The following KIF13A variants were observed in gnomAD, a reference collection of about 807,000 sequenced individuals.
The protein encoded by KIF13A is kinesin family member 13A.
A neutral mutation model predicts 212.2 loss-of-function variants in KIF13A; 79 were observed. The observed-to-expected ratio is 0.37, with a 90% CI of 0.31 to 0.45. KIF13A has a LOEUF of 0.45. KIF13A is among the 20% of genes least tolerant of loss of function. The pLI, the probability that KIF13A is intolerant of heterozygous loss-of-function variation, is 1.00. For missense variants in KIF13A, 1,901 were observed against 2,209.0 expected (o/e 0.86, Z 2.79); for synonymous variants, 789 against 808.6 (o/e 0.98, Z 0.41).
chr6:17,781,338 A>G (rs1170367491), intron 29 of KIF13A, 37 bp from the exon 30 acceptor site: 1 of 1,519,228 alleles, frequency 6.6e-7, no homozygotes, highest in Admixed American at 2.4e-5. Flanking sequence ...ACAGTAGGGG[A>G]AAGTCAGTTT....
In KIF13A at chr6:17,872,897, A is replaced by G. The variant is rs1418992082; in HGVS notation, c.220+480T>C. Among the ~76,000 whole-genome samples, 1 of 152,280 alleles carries G rather than the reference A, an allele frequency of 6.6e-6. No individual in the cohort carries two copies. The highest frequency in any genetic ancestry group is 2.1e-4 in the South Asian group (1 of 4,822). On this transcript the variant is annotated intron_variant, in intron 4 of 38. Transcript: ENST00000259711. This position sits in a 1 kb window ranked among gnomAD's most constrained non-coding sequence, Gnocchi z 4.7. The stretch of plus-strand genomic sequence containing the variant: ...GTGATCCGCCCACCTCGGCCTCCCA[A>G]AGTGCTGGGATTACAGATGTGAGCC...
Position 17,794,432 on chromosome 6 carries a change from G to C in KIF13A, c.3076-37C>G. On this transcript the variant is annotated intron_variant, in intron 24 of 38. Coordinates refer to ENST00000259711, the MANE Select transcript of KIF13A (RefSeq NM_022113.6). This position sits in a 1 kb window ranked among gnomAD's most constrained non-coding sequence, Gnocchi z 4.1. ...GGGGAGGAGTATGGGTGCCAGGAAT[G>C]ATAATGAAAAGGAACGGGATAAAGA... is the stretch of plus-strand genomic sequence containing the variant. The C allele has an allele frequency of 6.3e-7, 1 of 1,593,046 alleles. No individual in the cohort carries two copies. Among genetic ancestry groups the C allele is most frequent in the South Asian group, 1.1e-5 (1 of 89,790 alleles).
At chr6:17,925,742 G>C (rs1160410370) in intron 2 of KIF13A, among the ~76,000 whole-genome samples, 2 of 152,188 alleles carry the variant, frequency 1.3e-5, no homozygotes, top group African/African-American at 4.8e-5. Context: ...TGTCTAATTA[G>C]CAGCAGTTAT....
In KIF13A at chr6:17,804,514, A is replaced by G; in HGVS notation, c.2305-4T>C. On this transcript the variant is annotated splice_polypyrimidine_tract_variant and splice_region_variant and intron_variant, in intron 19 of 38. Coordinates refer to ENST00000259711, the MANE Select transcript of KIF13A (RefSeq NM_022113.6). ...GTTTTCCGTAGAGTCTCTTTGCCTG[A>G]GAAGTAGGAGGGGCCAGTGAGTGGA... 1 of 1,588,072 alleles carries G rather than the reference A, an allele frequency of 6.3e-7. No homozygotes were observed. The highest frequency in any genetic ancestry group is 8.6e-7 in the Non-Finnish European group (1 of 1,165,668).
chr6:17,982,440 G>A lies in KIF13A; in HGVS notation c.146+4614C>T. 1.0e-6 allele frequency: 1 copy of A among 984,700 alleles called. No individual in the cohort carries two copies. 61.0% of individuals were successfully genotyped at this position (984,700 alleles called of 1,614,324 possible). A position where few individuals can be genotyped will look rare whatever the true frequency, so the allele number is the denominator to read the frequency against. On this transcript the variant is annotated intron_variant, in intron 2 of 38. Coordinates refer to ENST00000259711, the MANE Select transcript of KIF13A (RefSeq NM_022113.6). This position sits in a 1 kb window ranked among gnomAD's most constrained non-coding sequence, Gnocchi z 5.1. ...TTTAGATTTCAGATGTTCAGACAGG[G>A]ATACCGCTGGTGAATAAACTAAAAA...
rs1301976691 is a variant in KIF13A, at chr6:17,967,827, A to C, written c.146+19227T>G. Among the ~76,000 whole-genome samples, 1 of 152,248 alleles carries C rather than the reference A, an allele frequency of 6.6e-6. No homozygotes were observed. The highest frequency in any genetic ancestry group is 1.5e-5 in the Non-Finnish European group (1 of 68,046). Reference sequence around the variant, plus strand: ...GACAATCACTGTGAGATGCATCACAAGTAACTTGTTAATAAGGTGCTCATT... The same window carrying C: ...GACAATCACTGTGAGATGCATCACACGTAACTTGTTAATAAGGTGCTCATT... On this transcript the variant is annotated intron_variant, in intron 2 of 38. Transcript: ENST00000259711. This position sits in a 1 kb window ranked among gnomAD's most constrained non-coding sequence, Gnocchi z 4.1.
At chr6:17,761,990 T>C (rs894405973), downstream of KIF13A, among the ~76,000 whole-genome samples, 11 of 152,144 alleles carry the variant, frequency 7.2e-5, no homozygotes, top group Non-Finnish European at 4.4e-5. Context: ...TTATTTCCCC[T>C]GCTGCACACT....
At chr6:17,869,830 C>T (rs926126496) in intron 4 of KIF13A, among the ~76,000 whole-genome samples, 1 of 152,168 alleles carries the variant, frequency 6.6e-6, no homozygotes, top group African/African-American at 2.4e-5. Flanking sequence ...CTCCCTGCTA[C>T]CCCCCAGTTT....
intron 2 of KIF13A, among the ~76,000 whole-genome samples, chr6:17,928,835 A>G (rs1775715797): frequency 6.6e-6 from 1 of 152,186 alleles, no homozygotes; most frequent in South Asian, 2.1e-4. Flanking sequence ...CTTCAACTTC[A>G]GAATACCTTT....
rs1172170180 is a variant in KIF13A at position 17,871,074 on chromosome 6, C to T, written c.220+2303G>A. Among the ~76,000 whole-genome samples the T allele has an allele frequency of 1.3e-5, 2 of 152,238 alleles. No homozygotes were observed. The highest frequency in any genetic ancestry group is 2.9e-5 in the Non-Finnish European group (2 of 68,038). ...CAAAATCCATGTGCTCTCCTTGACA[C>T]ATGTCACTTCCTCTTGTCTGGATGC... On this transcript the variant is annotated intron_variant, in intron 4 of 38. Transcript: ENST00000259711. The surrounding 1 kb of genome is among the most constrained non-coding windows in gnomAD (Gnocchi z 4.4).
rs756412476 is a variant in KIF13A at position 17,772,220 on chromosome 6, C to T, written c.4325-161G>A. Among the ~76,000 whole-genome samples the T allele has an allele frequency of 8.6e-5, 13 of 151,916 alleles. No homozygotes were observed. Among genetic ancestry groups the T allele is most frequent in the Non-Finnish European group, 1.3e-4 (9 of 68,004 alleles). ...AAAACAGATGTATGCCCACCCTGTGCAACATAGGGACACCAGTCTGTGAAA... is the reference window on the plus strand; with the variant it reads ...AAAACAGATGTATGCCCACCCTGTGTAACATAGGGACACCAGTCTGTGAAA... On this transcript the variant is annotated intron_variant, in intron 36 of 38. Transcript: ENST00000259711. The surrounding 1 kb of genome is among the most constrained non-coding windows in gnomAD (Gnocchi z 4.8).
Position 17,785,660 on chromosome 6 carries a change from A to C in KIF13A, c.3362-19T>G. 6.3e-7 allele frequency: 1 copy of C among 1,594,978 alleles called. No individual in the cohort carries two copies. Among genetic ancestry groups the C allele is most frequent in the Non-Finnish European group, 8.5e-7 (1 of 1,170,710 alleles). ...GTTTTCTCTGCAGAAAAAAATGAGG[A>C]GATCAATGCCAACAAGAGAGAAAGT... On this transcript the variant is annotated intron_variant, in intron 27 of 38. Coordinates refer to ENST00000259711, the MANE Select transcript of KIF13A (RefSeq NM_022113.6). This position sits in a 1 kb window ranked among gnomAD's most constrained non-coding sequence, Gnocchi z 5.8.
chr6:17,793,687 A>T lies in KIF13A; in HGVS notation c.3222+562T>A, dbSNP rs1275262444. Among the ~76,000 whole-genome samples, 73 of 150,928 alleles carry T rather than the reference A, an allele frequency of 4.8e-4. 1 individual carries two copies. The highest frequency in any genetic ancestry group is 1.7e-3 in the African/African-American group (67 of 40,404). ...CTACACTTTGGGAGGCTGAGGCAGG[A>T]GGATCACTTGAGTCCAGGAATTTGA... On this transcript the variant is annotated intron_variant, in intron 25 of 38. Transcript: ENST00000259711.
chr6:17,855,939 G>A lies in KIF13A; in HGVS notation c.313+91C>T. 1.1e-6 allele frequency: 1 copy of A among 880,688 alleles called. No homozygotes were observed. Among genetic ancestry groups the A allele is most frequent in the Non-Finnish European group, 1.8e-6 (1 of 549,824 alleles). 54.6% of individuals were successfully genotyped at this position (880,688 alleles called of 1,614,324 possible). ...TTGCCCAGGCTGGTCTCAAACTCCT[G>A]GGCTCAGGAGATCCTCCCACCCCAG... On this transcript the variant is annotated intron_variant, in intron 5 of 38. Transcript: ENST00000259711. The surrounding 1 kb of genome is among the most constrained non-coding windows in gnomAD (Gnocchi z 4.1).
rs1209753964 is a variant in KIF13A at position 17,764,241 on chromosome 6, T to G, written c.5287A>C (p.Ser1763Arg). The G allele has an allele frequency of 9.3e-6, 15 of 1,613,856 alleles. No individual in the cohort carries two copies. The highest frequency in any genetic ancestry group is 2.5e-6 in the Non-Finnish European group (3 of 1,179,894). The change falls in exon 39 of 39, where the codon AGT becomes CGT. Residue 1763 changes from serine (S) to arginine (R), a missense_variant. Ser to Arg is a moderately radical substitution (Grantham distance 110). Transcript: ENST00000259711. This position sits in a 1 kb window ranked among gnomAD's most constrained non-coding sequence, Gnocchi z 5.1. ...SSAGELSSRR[S>R]LPNKTGGKTV... ...TTGCCGCCTGTTTTATTTGGTAGAC[T>G]CCTCCTACTGGAAAGCTCTCCAGCA...
Position 17,794,710 on chromosome 6 carries a change from G to A in KIF13A, c.2943-6C>T, listed in dbSNP as rs2150324345. ...TTCGCGTTACTTCATTCCACCTGCAGAAACACATTCCAACAAGCAAGAGCG... is the reference window on the plus strand; with the variant it reads ...TTCGCGTTACTTCATTCCACCTGCAAAAACACATTCCAACAAGCAAGAGCG... On this transcript the variant is annotated splice_polypyrimidine_tract_variant and splice_region_variant and intron_variant, in intron 23 of 38. Coordinates refer to ENST00000259711, the MANE Select transcript of KIF13A (RefSeq NM_022113.6). The surrounding 1 kb of genome is among the most constrained non-coding windows in gnomAD (Gnocchi z 4.1). 1.2e-6 allele frequency: 2 copies of A among 1,604,454 alleles called. No individual in the cohort carries two copies. The highest frequency in any genetic ancestry group is 1.1e-5 in the South Asian group (1 of 88,814).
At chr6:17,887,016 T>C (rs1285443657) in intron 3 of KIF13A, among the ~76,000 whole-genome samples, 1 of 152,224 alleles carries the variant, frequency 6.6e-6, no homozygotes, top group African/African-American at 2.4e-5. Flanking sequence ...TCCCTGCCTA[T>C]TGCCACATGA....
At chr6:17,973,819 G>A (rs373607192) in intron 2 of KIF13A, among the ~76,000 whole-genome samples, 3 of 152,154 alleles carry the variant, frequency 2.0e-5, no homozygotes, top group Admixed American at 1.3e-4. Context: ...CATGGATGTG[G>A]TCCCCATGGC....
At position 17,951,895 on chromosome 6, in the gene KIF13A, A is replaced by G. The variant is rs1257848947; in HGVS notation, c.146+35159T>C. ...CTCATTACAAAAATCTTTTTTCTTA[A>G]AAGAATTTTTTGTAGCCTTCCAAAA... On this transcript the variant is annotated intron_variant, in intron 2 of 38. Coordinates refer to ENST00000259711, the MANE Select transcript of KIF13A (RefSeq NM_022113.6). This position sits in a 1 kb window ranked among gnomAD's most constrained non-coding sequence, Gnocchi z 4.9. Among the ~76,000 whole-genome samples the G allele has an allele frequency of 2.6e-5, 4 of 152,190 alleles. No individual in the cohort carries two copies. In the East Asian group the frequency reaches 7.7e-4, roughly 29 times the overall value.
Sources: allele counts gnomAD v4.1 joint callset (sites outside exome capture counted in the v4.1 genomes callset), GRCh38; gene constraint gnomAD v4.1.1; non-coding constraint Gnocchi (gnomAD v3.1); transcripts MANE v1.5; gene names NCBI Gene and HGNC (gene_info 2026-07-23, HGNC 2026-07-21).